Variants in GON4L observed in about 807,000 individuals in gnomAD.
GON4L encodes the protein gon-4 like, also known as GON-4-like protein.
In GON4L, 87 loss-of-function variants were observed where a neutral mutation model predicts 211.8. The ratio of observed to expected loss-of-function variants is 0.41; its 90% CI spans 0.35 to 0.49. The LOEUF (loss-of-function observed/expected upper bound fraction) is 0.49, where lower values mean the gene tolerates loss of function less well. GON4L is among the 20% of genes least tolerant of loss of function. GON4L has a pLI of 0.15. For missense variants in GON4L, 2,155 were observed against 2,659.5 expected, an observed-to-expected ratio of 0.81 and a Z score of 4.17; for synonymous variants, 875 against 962.6, an observed-to-expected ratio of 0.91 and a Z score of 1.68.
chr1:155,765,601 G>GTCCAGC lies in GON4L; in HGVS notation c.3866_3871dup (p.Trp1290_Thr1291insSerTrp). 1 of 1,614,114 alleles carries GTCCAGC rather than the reference G, an allele frequency of 6.2e-7. No individual in the cohort carries two copies. The highest frequency in any genetic ancestry group is 8.5e-7 in the Non-Finnish European group (1 of 1,180,024). The stretch of plus-strand genomic sequence containing the variant: ...CCTCCCCTCCTCTGTTTTCACAACG[G>GTCCAGC]TCCAGCGACAGGCACTATTCTCTGA... On this transcript the variant is annotated inframe_insertion, in exon 21 of 32. Transcript: ENST00000368331.
At position 155,763,370 on chromosome 1, in the gene GON4L, A is replaced by G. The variant is rs529659780; in HGVS notation, c.4668T>C (p.Pro1556=). Residue 1556 remains proline (P), a synonymous_variant, in exon 22 of 32, where the codon CCT becomes CCC. Transcript: ENST00000368331. ...DEAVGDSAEK[P]PTFASPETAP... is the part of the protein sequence containing the mutation. ...CAGTCTCAGGTGAAGCAAAAGTAGG[A>G]GGCTTCTCAGCAGAGTCTCCAACTG... The G allele has an allele frequency of 3.3e-5, 54 of 1,613,116 alleles. No homozygotes were observed. Among genetic ancestry groups the G allele is most frequent in the Non-Finnish European group, 4.3e-5 (51 of 1,179,604 alleles).
chr1:155,777,763 T>C lies in GON4L; in HGVS notation c.1950A>G (p.Leu650=), dbSNP rs1663977806. The C allele has an allele frequency of 4.3e-6, 7 of 1,613,058 alleles. No homozygotes were observed. Among genetic ancestry groups the C allele is most frequent in the Admixed American group, 3.3e-5 (2 of 59,988 alleles). ...LNEQHRTVKE[L]FEQLKMKKSS... Reference sequence around the variant, plus strand: ...ATTTCTTCATCTTCAGCTGTTCAAATAGCTCCTTCACTGTCCGATGTTGTT... The same window carrying C: ...ATTTCTTCATCTTCAGCTGTTCAAACAGCTCCTTCACTGTCCGATGTTGTT... Residue 650 remains leucine (L), a synonymous_variant, in exon 15 of 32, where the codon CTA becomes CTG. Coordinates refer to ENST00000368331, the MANE Select transcript of GON4L (RefSeq NM_001282860.2).
chr1:155,820,370 T>C (rs1042993466), intron 6 of GON4L, among the ~76,000 whole-genome samples: 1 of 152,246 alleles, frequency 6.6e-6, no homozygotes, highest in Non-Finnish European at 1.5e-5. Context: ...TGATTTCAAC[T>C]ATTCCAAATG....
chr1:155,777,525 G>T, intron 15 of GON4L, 97 bp downstream of exon 15: 1 of 903,740 alleles, frequency 1.1e-6, no homozygotes, highest in Non-Finnish European at 1.9e-6. Context: ...GTTGAAGTGA[G>T]CCGATATCGG....
At chr1:155,822,078 C>A (rs1342190892) in intron 4 of GON4L, among the ~76,000 whole-genome samples, 3 of 152,132 alleles carry the variant, frequency 2.0e-5, no homozygotes, top group African/African-American at 7.2e-5. Context: ...CAATTAAATT[C>A]TTCTTTAACA....
downstream of GON4L, chr1:155,745,703 G>C: frequency 3.7e-6 from 3 of 803,140 alleles, no homozygotes; most frequent in Non-Finnish European, 5.9e-6. Flanking sequence ...TTCTCCAATG[G>C]GAAAGGATGT....
At chr1:155,757,375 G>A (rs1018605360) in intron 25 of GON4L, 52 bp from the exon 26 acceptor site, 20 of 1,539,122 alleles carry the variant, frequency 1.3e-5, no homozygotes, top group Non-Finnish European at 1.8e-5. Context: ...TCTCTAGGCT[G>A]CCCTTCCCAA....
At chr1:155,819,620 A>G (rs1668564593) in intron 6 of GON4L, among the ~76,000 whole-genome samples, 1 of 152,088 alleles carries the variant, frequency 6.6e-6, no homozygotes. Flanking sequence ...TATGATACAT[A>G]TTTTCGGTCT....
intron 24 of GON4L, among the ~76,000 whole-genome samples, chr1:155,759,072 G>A (rs1030901632): frequency 6.6e-6 from 1 of 152,062 alleles, no homozygotes; most frequent in Non-Finnish European, 1.5e-5. Context: ...TCATGGCTGA[G>A]TGAAGCCTCA....
chr1:155,764,861 T>C lies in GON4L; in HGVS notation c.4473+139A>G, dbSNP rs1334555495. ...TCATTTCACCTCAACTCCACAATCA[T>C]GTCCCATAATGCATTCACAAATCAA... is the stretch of plus-strand genomic sequence containing the variant. On this transcript the variant is annotated intron_variant, in intron 21 of 31. Transcript: ENST00000368331. 4 of 1,560,378 alleles carry C rather than the reference T, an allele frequency of 2.6e-6. No individual in the cohort carries two copies. In the Admixed American group the frequency reaches 5.0e-5, roughly 20 times the overall value.
At chr1:155,855,075 CTT>C (rs1312442106) in intron 1 of GON4L, among the ~76,000 whole-genome samples, 4 of 151,784 alleles carry the variant, frequency 2.6e-5, no homozygotes, top group African/African-American at 7.2e-5. Context: ...TAACAACAAA[CTT>C]TGTGTCGAAA....
Position 155,826,921 on chromosome 1 carries a change from C to A in GON4L, c.613G>T (p.Ala205Ser). Reference protein sequence around the residue: ...PRKSTQPDVCASPQEKPLRTL... With the variant: ...PRKSTQPDVCSSPQEKPLRTL... ...CTGAGTGGCTTTTCTTGAGGAGAGG[C>A]ACAAACATCTGGCTGGGTTGATTTC... Residue 205 changes from alanine (A) to serine (S), a missense_variant, in exon 3 of 32, where the codon GCC (alanine) becomes TCC (serine). This residue lies in a region of GON4L where 313 missense variants were observed against 293.2 expected (regional missense o/e 1.07). Transcript: ENST00000368331. The A allele has an allele frequency of 6.2e-7, 1 of 1,613,866 alleles. No homozygotes were observed. Among genetic ancestry groups the A allele is most frequent in the Non-Finnish European group, 8.5e-7 (1 of 1,179,736 alleles).
At chr1:155,858,548 G>A (rs929871136), upstream of GON4L, among the ~76,000 whole-genome samples, 3 of 151,616 alleles carry the variant, frequency 2.0e-5, no homozygotes, top group Admixed American at 1.3e-4. Context: ...CAGATCTTTC[G>A]GTTTGGCCTC....
In GON4L at chr1:155,766,545, A is replaced by C. The variant is rs78670733; in HGVS notation, c.2928T>G (p.Gly976=). 1 of 1,613,702 alleles carries C rather than the reference A, an allele frequency of 6.2e-7. No individual in the cohort carries two copies. Among genetic ancestry groups the C allele is most frequent in the Non-Finnish European group, 8.5e-7 (1 of 1,179,894 alleles). The change falls in exon 21 of 32, where the codon GGT becomes GGG. Residue 976 remains glycine (G), a synonymous_variant. Transcript: ENST00000368331. The stretch of plus-strand genomic sequence containing the variant: ...CAACTGGCTTCAGTTTCAGGACTAC[A>C]CCCTTAGGCAATAGCAGTGGGTACC... The part of the protein sequence containing the change: ...ESRYPLLLPK[G]VVLKLKPVAT...
At chr1:155,851,989 ACCT>A (rs1440200587) in intron 2 of GON4L, among the ~76,000 whole-genome samples, 1 of 151,412 alleles carries the variant, frequency 6.6e-6, no homozygotes, top group African/African-American at 2.4e-5. Context: ...ACATGGGGAA[ACCT>A]CCTCTCTAAT....
intron 2 of GON4L, chr1:155,845,706 A>C: frequency 3.3e-6 from 1 of 302,996 alleles, no homozygotes; most frequent in Non-Finnish European, 6.7e-6. Flanking sequence ...GAAATCATGA[A>C]AAGATACTGC....
chr1:155,822,915 C>A (rs957770158), intron 3 of GON4L, among the ~76,000 whole-genome samples: 2 of 152,230 alleles, frequency 1.3e-5, no homozygotes, highest in African/African-American at 2.4e-5. Flanking sequence ...CCTGCCTCAG[C>A]CTCCCGAGTA....
intron 2 of GON4L, chr1:155,831,587 G>A (rs1279291056): frequency 6.6e-6 from 1 of 151,906 alleles, no homozygotes; most frequent in African/African-American, 2.4e-5. Flanking sequence ...TTAAGGCCAG[G>A]AATTGTAGGT....
At chr1:155,806,809 T>A (rs1045568155) in intron 10 of GON4L, among the ~76,000 whole-genome samples, 5 of 152,098 alleles carry the variant, frequency 3.3e-5, no homozygotes, top group Non-Finnish European at 7.4e-5. Flanking sequence ...GGCAATTAAG[T>A]ATAATACCGC....
Sources: gnomAD v4.1 joint callset for allele counts (sites outside exome capture counted in the v4.1 genomes callset) on GRCh38, gnomAD v4.1.1 for gene constraint, gnomAD v4.1.1 regional missense constraint, MANE v1.5 for transcripts, NCBI Gene and HGNC (gene_info 2026-07-23, HGNC 2026-07-21) for gene names.